The following SWAP70 variants were observed in gnomAD, a reference collection of about 807,000 sequenced individuals.
SWAP70 encodes the protein switch-associated protein 70.
SWAP70 carries 34 observed loss-of-function variants against 80.2 expected under a neutral mutation model. That is an observed-to-expected ratio of 0.42 (90% CI 0.32 to 0.56). The LOEUF is 0.56. Among genes scored for constraint, SWAP70 ranks in the 20% least tolerant of loss-of-function variants. The pLI is 0.09. For synonymous variants in SWAP70, 239 were observed against 238.5 expected (o/e 1.00, Z -0.02); for missense variants, 578 against 690.7 (o/e 0.84, Z 1.83).
intron 2 of SWAP70, among the ~76,000 whole-genome samples, chr11:9,695,827 T>C (rs360044): frequency 0.12 from 18,501 of 151,898 alleles, 2,335 homozygotes; most frequent in African/African-American, 0.32. Context: ...AGGGGTCTCA[T>C]CCTGTCACCC....
intron 1 of SWAP70, among the ~76,000 whole-genome samples, chr11:9,692,682 T>C (rs1292288218): frequency 6.6e-6 from 1 of 152,196 alleles, no homozygotes; most frequent in Non-Finnish European, 1.5e-5. Context: ...TTTACAGTTA[T>C]TAAGCTCTTT....
chr11:9,743,352 A>C (rs1046275191), intron 9 of SWAP70, among the ~76,000 whole-genome samples: 1 of 152,060 alleles, frequency 6.6e-6, no homozygotes, highest in East Asian at 1.9e-4. Flanking sequence ...TAATGCCGCA[A>C]TAAACATACT....
In SWAP70 at chr11:9,751,251, T is replaced by A. The variant is rs913676988; in HGVS notation, c.*1281T>A. ...GTGGGCAGCTTTTCTGCTTTTTCCC[T>A]TCCTCTGTGGTGACAACGGAGGAAA... On this transcript the variant is annotated 3_prime_UTR_variant, in exon 12 of 12. Coordinates refer to ENST00000318950, the MANE Select transcript of SWAP70 (RefSeq NM_015055.4). 1 of 152,204 alleles carries A rather than the reference T, an allele frequency of 6.6e-6. No individual in the cohort carries two copies. Among genetic ancestry groups the A allele is most frequent in the Non-Finnish European group, 1.5e-5 (1 of 68,020 alleles). The allele number at this position is 152,204 out of a possible 1,614,324, so 9.4% of individuals were successfully genotyped here.
At chr11:9,672,776 AG>A (rs927643308) in intron 1 of SWAP70, among the ~76,000 whole-genome samples, 1 of 151,720 alleles carries the variant, frequency 6.6e-6, no homozygotes, top group African/African-American at 2.4e-5. Flanking sequence ...CCCCCAGTGT[AG>A]TACAGACAAA....
chr11:9,714,388 G>A (rs1433298692), intron 3 of SWAP70, among the ~76,000 whole-genome samples: 3 of 152,182 alleles, frequency 2.0e-5, no homozygotes, highest in Admixed American at 2.0e-4. Context: ...TAAGGGTTGT[G>A]AAATTCTGCA....
chr11:9,721,463 C>A (rs892954224), intron 3 of SWAP70, among the ~76,000 whole-genome samples: 1 of 139,414 alleles, frequency 7.2e-6, no homozygotes, highest in African/African-American at 2.7e-5. Context: ...TATATTTTTT[C>A]TTTCTTTCTT....
At chr11:9,679,039 G>A (rs1850535901) in intron 1 of SWAP70, among the ~76,000 whole-genome samples, 1 of 152,080 alleles carries the variant, frequency 6.6e-6, no homozygotes, top group South Asian at 2.1e-4. Flanking sequence ...TGTGTCTACT[G>A]GAAACTGCAG....
At chr11:9,739,513 A>G (rs1345813045) in intron 8 of SWAP70, among the ~76,000 whole-genome samples, 1 of 152,260 alleles carries the variant, frequency 6.6e-6, no homozygotes, top group Non-Finnish European at 1.5e-5. Flanking sequence ...AATGCAAGTG[A>G]AAATATTTTA....
intron 2 of SWAP70, among the ~76,000 whole-genome samples, chr11:9,704,721 G>A (rs1362157949): frequency 6.6e-6 from 1 of 152,106 alleles, no homozygotes; most frequent in Non-Finnish European, 1.5e-5. Context: ...CTTTATTGGA[G>A]CATTTGCACA....
Position 9,713,487 on chromosome 11 carries a change from A to G in SWAP70, c.262A>G (p.Ile88Val), listed in dbSNP as rs139909932. The part of the protein sequence containing the change: ...LEKVQDNFDK[I>V]EFNRMCWTLC... ...TTAGGTCCAAGACAACTTTGACAAGATTGAATTCAATAGGATGTGTTGGAC... is the reference window on the plus strand; with the variant it reads ...TTAGGTCCAAGACAACTTTGACAAGGTTGAATTCAATAGGATGTGTTGGAC... The change falls in exon 3 of 12, where the codon ATT becomes GTT. Residue 88 changes from isoleucine to valine, a missense_variant. Ile to Val is a conservative substitution (Grantham distance 29). Coordinates refer to ENST00000318950, the MANE Select transcript of SWAP70 (RefSeq NM_015055.4). 115 of 1,611,608 alleles carry G rather than the reference A, an allele frequency of 7.1e-5. No individual in the cohort carries two copies. Among genetic ancestry groups the G allele is most frequent in the Non-Finnish European group, 9.1e-5 (107 of 1,179,328 alleles).
At chr11:9,713,705 T>C in intron 3 of SWAP70, 66 bp downstream of exon 3, 1 of 1,521,394 alleles carries the variant, frequency 6.6e-7, no homozygotes, top group Non-Finnish European at 8.9e-7. Flanking sequence ...GCTTGGTATT[T>C]TTTCTGTTAA....
chr11:9,686,636 A>G (rs951332416), intron 1 of SWAP70, among the ~76,000 whole-genome samples: 1 of 152,068 alleles, frequency 6.6e-6, no homozygotes, highest in Admixed American at 6.6e-5. Flanking sequence ...GGTGAGAGCC[A>G]CTGTGCCTGG....
intron 6 of SWAP70, among the ~76,000 whole-genome samples, chr11:9,732,311 T>C (rs1053557070): frequency 6.6e-6 from 1 of 152,118 alleles, no homozygotes; most frequent in African/African-American, 2.4e-5. Context: ...TGGAAACTGA[T>C]GCTGCAAGAG....
At chr11:9,746,415 C>T (rs569386977) in intron 9 of SWAP70, among the ~76,000 whole-genome samples, 108 of 152,300 alleles carry the variant, frequency 7.1e-4, no homozygotes, top group African/African-American at 2.5e-3. Context: ...ATTCTTATAT[C>T]CCCAGTGCCT....
At chr11:9,678,778 T>C (rs997851279) in intron 1 of SWAP70, among the ~76,000 whole-genome samples, 3 of 152,036 alleles carry the variant, frequency 2.0e-5, no homozygotes, top group Non-Finnish European at 4.4e-5. Flanking sequence ...CTTCCCACCG[T>C]GAGGGTTATA....
At chr11:9,703,650 G>T (rs1281287762) in intron 2 of SWAP70, among the ~76,000 whole-genome samples, 1 of 152,160 alleles carries the variant, frequency 6.6e-6, no homozygotes, top group Non-Finnish European at 1.5e-5. Context: ...TTGCTGTATT[G>T]TTTGGTGTCT....
chr11:9,694,316 C>A (rs374021675), intron 2 of SWAP70, 30 bp downstream of exon 2: 1 of 1,575,828 alleles, frequency 6.3e-7, no homozygotes, highest in South Asian at 1.2e-5. Context: ...TTGGGTGTAG[C>A]ATTGTTTGGT....
At position 9,671,417 on chromosome 11, in the gene SWAP70, TATAA is replaced by T. The variant is rs1372471143; in HGVS notation, c.99+7143_99+7146del. 9.5e-3 allele frequency among the ~76,000 whole-genome samples: 897 copies of T among 94,340 alleles called. 11 individuals are homozygous for T. The highest frequency in any genetic ancestry group is 0.023 in the African/African-American group (512 of 22,306). 61.9% of individuals were successfully genotyped at this position (94,340 alleles called of 152,430 possible). ...ATATATAAATATATAAAAATATATT[TATAA>T]ATATATATATAAATATATAAAAATA... On this transcript the variant is annotated intron_variant, in intron 1 of 11. Transcript: ENST00000318950.
chr11:9,731,744 T>C lies in SWAP70; in HGVS notation c.899-785T>C, dbSNP rs997815683. ...GGTGGAAGACATATATACATACTTA[T>C]TTGTATAGGCTTATACTATCTCAGG... On this transcript the variant is annotated intron_variant, in intron 6 of 11. Coordinates refer to ENST00000318950, the MANE Select transcript of SWAP70 (RefSeq NM_015055.4). Among the ~76,000 whole-genome samples the C allele has an allele frequency of 3.3e-5, 5 of 152,224 alleles. No individual in the cohort carries two copies. The South Asian group carries it at 8.3e-4, about 25-fold the overall frequency.
Sources: gnomAD v4.1 joint callset for allele counts (sites outside exome capture counted in the v4.1 genomes callset) on GRCh38, gnomAD v4.1.1 for gene constraint, MANE v1.5 for transcripts, NCBI Gene and HGNC (gene_info 2026-07-23, HGNC 2026-07-21) for gene names.